The following TANC2 variants were observed in gnomAD, a reference collection of about 807,000 sequenced individuals.
The protein encoded by TANC2 is tetratricopeptide repeat, ankyrin repeat and coiled-coil containing 2.
In TANC2, 26 loss-of-function variants were observed where a neutral mutation model predicts 210.5. That is an observed-to-expected ratio of 0.12 (90% CI 0.09 to 0.17). The LOEUF (loss-of-function observed/expected upper bound fraction) is 0.17, where lower values mean the gene tolerates loss of function less well. Among genes scored for constraint, TANC2 ranks in the 10% least tolerant of loss-of-function variants. The pLI, the probability that TANC2 is intolerant of heterozygous loss-of-function variation, is 1.00. For synonymous variants in TANC2, 931 were observed against 967.1 expected, an observed-to-expected ratio of 0.96 and a Z score of 0.69; for missense variants, 2,129 against 2,608.9, an observed-to-expected ratio of 0.82 and a Z score of 4.01.
intron 5 of TANC2, among the ~76,000 whole-genome samples, chr17:63,174,940 G>A (rs1184942638): frequency 6.6e-6 from 1 of 152,000 alleles, no homozygotes; most frequent in Admixed American, 6.6e-5. Context: ...ATCAAGACTT[G>A]TACACTAAAA....
intron 9 of TANC2, among the ~76,000 whole-genome samples, chr17:63,274,832 C>T (rs2043823920): frequency 6.6e-6 from 1 of 152,020 alleles, no homozygotes; most frequent in African/African-American, 2.4e-5. Context: ...TTATTTTTGG[C>T]TTCATGTTTT....
chr17:63,255,132 T>G (rs1439629472), intron 8 of TANC2, among the ~76,000 whole-genome samples: 1 of 151,764 alleles, frequency 6.6e-6, no homozygotes, highest in Non-Finnish European at 1.5e-5. Context: ...TGAGACGAAG[T>G]CTCACTCTGT....
intron 1 of TANC2, among the ~76,000 whole-genome samples, chr17:63,005,970 A>G (rs1401539352): frequency 6.7e-6 from 1 of 149,594 alleles, no homozygotes; most frequent in Admixed American, 6.7e-5. Context: ...AATTTCTTTA[A>G]TAGAGATAGG....
intron 1 of TANC2, among the ~76,000 whole-genome samples, chr17:62,979,576 T>G (rs1391984211): frequency 6.6e-6 from 1 of 152,190 alleles, no homozygotes; most frequent in African/African-American, 2.4e-5. Flanking sequence ...TTTTTTAAAT[T>G]TACAGAGCTT....
chr17:62,993,947 A>AT (rs779170629), intron 1 of TANC2, among the ~76,000 whole-genome samples: 1 of 152,052 alleles, frequency 6.6e-6, no homozygotes, highest in Admixed American at 6.6e-5. Flanking sequence ...AATACAACTG[A>AT]TTTTTTAATG....
chr17:63,124,458 G>A (rs939171530), intron 4 of TANC2, among the ~76,000 whole-genome samples: 1 of 152,166 alleles, frequency 6.6e-6, no homozygotes, highest in Non-Finnish European at 1.5e-5. Flanking sequence ...CTCCTGAACT[G>A]TAGTCCAAAC....
chr17:63,166,262 A>G (rs2040205472), intron 5 of TANC2, among the ~76,000 whole-genome samples: 1 of 152,200 alleles, frequency 6.6e-6, no homozygotes, highest in Non-Finnish European at 1.5e-5. Flanking sequence ...TCTTTAATGC[A>G]AAAGGAAGAG....
chr17:63,008,224 TTTAA>T (rs1300038389), intron 1 of TANC2, among the ~76,000 whole-genome samples: 1 of 152,156 alleles, frequency 6.6e-6, no homozygotes, highest in Non-Finnish European at 1.5e-5. Context: ...GCTTCATGTC[TTTAA>T]TTAATGTTAG....
chr17:63,122,510 G>GTGGA (rs1359375802), intron 4 of TANC2, among the ~76,000 whole-genome samples: 1 of 152,136 alleles, frequency 6.6e-6, no homozygotes, highest in Non-Finnish European at 1.5e-5. Flanking sequence ...GCCAAGGCAG[G>GTGGA]TGGATTACTT....
At chr17:63,286,019 T>G (rs1424373031) in intron 9 of TANC2, among the ~76,000 whole-genome samples, 1 of 152,216 alleles carries the variant, frequency 6.6e-6, no homozygotes. Flanking sequence ...TATTAATTAT[T>G]TCTGCACCAT....
At chr17:63,168,656 A>G (rs1172769900) in intron 5 of TANC2, among the ~76,000 whole-genome samples, 5 of 152,208 alleles carry the variant, frequency 3.3e-5, no homozygotes, top group African/African-American at 1.2e-4. Flanking sequence ...ATCATGTCCT[A>G]TAACCATTAC....
intron 7 of TANC2, among the ~76,000 whole-genome samples, chr17:63,206,851 C>G (rs764103547): frequency 6.6e-6 from 1 of 152,146 alleles, no homozygotes; most frequent in Non-Finnish European, 1.5e-5. Context: ...GAATTATACA[C>G]TTAAAAATGG....
intron 4 of TANC2, chr17:63,148,742 T>G (rs2145379583): frequency 6.6e-6 from 1 of 152,310 alleles, no homozygotes; most frequent in South Asian, 2.1e-4. Context: ...TGTGGAATTC[T>G]CTTACTCACA....
At chr17:63,325,995 G>A (rs2045633897) in intron 11 of TANC2, among the ~76,000 whole-genome samples, 1 of 152,106 alleles carries the variant, frequency 6.6e-6, no homozygotes, top group Admixed American at 6.5e-5. Context: ...ACCTCCTTTG[G>A]CTCAAGTAAT....
intron 4 of TANC2, among the ~76,000 whole-genome samples, chr17:63,113,119 A>G (rs769673864): frequency 6.6e-6 from 1 of 152,260 alleles, no homozygotes; most frequent in Non-Finnish European, 1.5e-5. Context: ...CAAAAGTCAA[A>G]TAAATATCCA....
intron 5 of TANC2, among the ~76,000 whole-genome samples, chr17:63,175,958 A>AAC (rs2040565596): frequency 6.6e-6 from 1 of 152,238 alleles, no homozygotes; most frequent in South Asian, 2.1e-4. Context: ...AAAGATGTTC[A>AAC]ACACCATTAT....
chr17:63,404,927 G>T (rs1206401089), intron 19 of TANC2, among the ~76,000 whole-genome samples, 195 bp from the exon 20 acceptor site: 1 of 152,172 alleles, frequency 6.6e-6, no homozygotes, highest in African/African-American at 2.4e-5. Context: ...TCCAAATATT[G>T]TGAGGCAATT....
At position 63,340,411 on chromosome 17, in the gene TANC2, G is replaced by A. The variant is rs149834031; in HGVS notation, c.1807+79G>A. 1.9e-3 allele frequency: 2,270 copies of A among 1,193,020 alleles called. 39 individuals carry two copies. In the African/African-American group the frequency reaches 0.029, roughly 15 times the overall value. The allele number at this position is 1,193,020 out of a possible 1,614,324, so 73.9% of individuals were successfully genotyped here. On this transcript the variant is annotated intron_variant, in intron 12 of 27. Transcript: ENST00000689528. Reference sequence around the variant, plus strand: ...CCCGGGTCATACTATAAAAATGATTGATTTTATCACATTGCCAAAACTAAA... The same window carrying A: ...CCCGGGTCATACTATAAAAATGATTAATTTTATCACATTGCCAAAACTAAA...
intron 4 of TANC2, among the ~76,000 whole-genome samples, chr17:63,142,491 CTT>C (rs2039323619): frequency 6.6e-6 from 1 of 152,004 alleles, no homozygotes; most frequent in Non-Finnish European, 1.5e-5. Flanking sequence ...TGCTGTTTCT[CTT>C]TGTCAGTCTA....
Sources: gnomAD v4.1 joint callset for allele counts (sites outside exome capture counted in the v4.1 genomes callset) on GRCh38, gnomAD v4.1.1 for gene constraint, MANE v1.5 for transcripts, NCBI Gene and HGNC (gene_info 2026-07-23, HGNC 2026-07-21) for gene names.